NEMP2: variants seen among roughly 807,000 people sequenced by gnomAD.
NEMP2 encodes UPF0571 transmembrane protein.
NEMP2 carries 53 observed loss-of-function variants against 54.2 expected under a neutral mutation model. The observed-to-expected ratio is 0.98, with a 90% confidence interval of 0.78 to 1.23. The LOEUF (loss-of-function observed/expected upper bound fraction) is 1.23. NEMP2 is among the 50% of genes most tolerant of loss of function. NEMP2 has a pLI of 0.00. For missense variants in NEMP2, 455 were observed against 511.3 expected, an observed-to-expected ratio of 0.89 and a Z score of 1.06; for synonymous variants, 197 against 190.3, an observed-to-expected ratio of 1.04 and a Z score of -0.29.
chr2:190,423,638 A>G, the NEMP2 span, among the ~76,000 whole-genome samples: 1 of 152,202 alleles, frequency 6.6e-6, no homozygotes, highest in African/African-American at 2.4e-5. The surrounding 1 kb of genome is among the most constrained non-coding windows in gnomAD (Gnocchi z 4.3). Context: ...GTTTTCATTT[A>G]TCTGGAATAA....
chr2:190,437,181 C>G, the NEMP2 span: 1 of 1,614,216 alleles, frequency 6.2e-7, no homozygotes, highest in Middle Eastern at 1.6e-4. This position sits in a 1 kb window ranked among gnomAD's most constrained non-coding sequence, Gnocchi z 5.9. Flanking sequence ...TGGCCTTGAT[C>G]GTTGCCACTC....
the NEMP2 span, among the ~76,000 whole-genome samples, chr2:190,453,863 A>G: frequency 6.6e-6 from 1 of 152,234 alleles, no homozygotes; most frequent in African/African-American, 2.4e-5. Context: ...GAAAGAAAAC[A>G]AGACTTGACC....
At chr2:190,645,622 T>C in the NEMP2 span, among the ~76,000 whole-genome samples, 2 of 152,262 alleles carry the variant, frequency 1.3e-5, no homozygotes, top group Non-Finnish European at 2.9e-5. Flanking sequence ...GTGACTAGTA[T>C]GCGTCAGCCA....
At chr2:190,499,684 C>G, downstream of NEMP2, 1 of 823,062 alleles carries the variant, frequency 1.2e-6, no homozygotes, top group Non-Finnish European at 1.7e-6. The surrounding 1 kb of genome is among the most constrained non-coding windows in gnomAD (Gnocchi z 6.0). Context: ...GCTTGCCCAG[C>G]GACTTGCCAC....
chr2:190,523,118 T>C lies in NEMP2; in HGVS notation c.213+2145A>G, dbSNP rs550138978. 6.6e-6 allele frequency among the ~76,000 whole-genome samples: 1 copy of C among 152,228 alleles called. No individual in the cohort carries two copies. Among genetic ancestry groups the C allele is most frequent in the Non-Finnish European group, 1.5e-5 (1 of 68,012 alleles). ...ACTAAAAAAATAAAAATAAAAATGA[T>C]AATAAAATTGACCATGATGGGGGAA... On this transcript the variant is annotated intron_variant, in intron 2 of 8. Coordinates refer to ENST00000409150, the MANE Select transcript of NEMP2 (RefSeq NM_001142645.2). The surrounding 1 kb of genome is among the most constrained non-coding windows in gnomAD (Gnocchi z 5.3).
chr2:190,468,323 AACTTTTTCTT>A, the NEMP2 span, among the ~76,000 whole-genome samples: 1 of 152,026 alleles, frequency 6.6e-6, no homozygotes, highest in African/African-American at 2.4e-5. Context: ...CACACCCTTC[AACTTTTTCTT>A]TTTTGTCTTT....
the NEMP2 span, among the ~76,000 whole-genome samples, chr2:190,482,876 T>TC: frequency 3.7e-5 from 1 of 27,006 alleles, no homozygotes; most frequent in African/African-American, 8.9e-5. Context: ...ATCTTTTTTT[T>TC]TTTTTTTTTT....
chr2:190,446,912 TTCTGAGGATCTC>T, the NEMP2 span, among the ~76,000 whole-genome samples: 2 of 152,192 alleles, frequency 1.3e-5, no homozygotes, highest in Non-Finnish European at 2.9e-5. Context: ...GACTTAGGGA[TTCTGAGGATCTC>T]TCCCAGTGCA....
At chr2:190,572,408 C>G in the NEMP2 span, among the ~76,000 whole-genome samples, 1 of 152,006 alleles carries the variant, frequency 6.6e-6, no homozygotes, top group African/African-American at 2.4e-5. Context: ...CTGGGCAAAA[C>G]TGGGAAGTTA....
Position 190,516,330 on chromosome 2 carries a change from C to T in NEMP2, c.667G>A (p.Val223Ile). 6.4e-7 allele frequency: 1 copy of T among 1,551,556 alleles called. No homozygotes were observed. The highest frequency in any genetic ancestry group is 8.7e-7 in the Non-Finnish European group (1 of 1,146,924). ...VGCWFASVYI[V>I]CQLMEDLKWL... ...TTCAGATCTTCCATCAACTGGCATA[C>T]AATATAAACTGAGGCAAACCAACAA... Residue 223 changes from valine to isoleucine, a missense_variant, in exon 6 of 9, where the codon GTA (valine) becomes ATA (isoleucine). Coordinates refer to ENST00000409150, the MANE Select transcript of NEMP2 (RefSeq NM_001142645.2).
At chr2:190,639,646 TTTG>T in the NEMP2 span, among the ~76,000 whole-genome samples, 2 of 146,600 alleles carry the variant, frequency 1.4e-5, no homozygotes, top group Non-Finnish European at 3.1e-5. Flanking sequence ...GTTTTTTTTT[TTTG>T]TTTTTTGTTT....
In NEMP2 at chr2:190,509,747, A is replaced by G. The variant is rs912210418; in HGVS notation, c.1131-435T>C. ...GACGTCTTTCTTAGTGAACTTTAAA[A>G]ATGATTTTCCAGCTGGGTGCGGTGG... On this transcript the variant is annotated intron_variant, in intron 8 of 8. Coordinates refer to ENST00000409150, the MANE Select transcript of NEMP2 (RefSeq NM_001142645.2). This position sits in a 1 kb window ranked among gnomAD's most constrained non-coding sequence, Gnocchi z 6.1. 6.6e-6 allele frequency among the ~76,000 whole-genome samples: 1 copy of G among 152,262 alleles called. No homozygotes were observed. Among genetic ancestry groups the G allele is most frequent in the Non-Finnish European group, 1.5e-5 (1 of 68,052 alleles).
the NEMP2 span, among the ~76,000 whole-genome samples, chr2:190,627,593 G>GAAA: frequency 1.5e-4 from 22 of 142,026 alleles, no homozygotes; most frequent in East Asian, 3.2e-3. The surrounding 1 kb of genome is among the most constrained non-coding windows in gnomAD (Gnocchi z 4.4). Flanking sequence ...AGTTCTTAGG[G>GAAA]AAAAAAAAAA....
the NEMP2 span, among the ~76,000 whole-genome samples, chr2:190,635,264 T>G: frequency 6.6e-6 from 1 of 152,230 alleles, no homozygotes; most frequent in African/African-American, 2.4e-5. The surrounding 1 kb of genome is among the most constrained non-coding windows in gnomAD (Gnocchi z 4.1). Context: ...TCACCCAGAA[T>G]GGAGTGCATT....
At chr2:190,480,064 C>G in the NEMP2 span, among the ~76,000 whole-genome samples, 18 of 152,214 alleles carry the variant, frequency 1.2e-4, no homozygotes, top group African/African-American at 4.3e-4. Context: ...TGGGGAGGCT[C>G]AGGTGGAAGG....
At position 190,519,280 on chromosome 2, in the gene NEMP2, G is replaced by T; in HGVS notation, c.214-97C>A. 1 of 849,874 alleles carries T rather than the reference G, an allele frequency of 1.2e-6. No individual in the cohort carries two copies. Among genetic ancestry groups the T allele is most frequent in the Non-Finnish European group, 1.8e-6 (1 of 549,206 alleles). The allele number at this position is 849,874 out of a possible 1,614,324, so 52.6% of individuals were successfully genotyped here. On this transcript the variant is annotated intron_variant, in intron 2 of 8. Transcript: ENST00000409150. The surrounding 1 kb of genome is among the most constrained non-coding windows in gnomAD (Gnocchi z 5.4). ...TCTGTTGCCCAGAATGGAGTGCAGT[G>T]GCAGGATCTCTGCTCACTGCAACCT...
At chr2:190,441,441 G>A in the NEMP2 span, among the ~76,000 whole-genome samples, 1 of 151,834 alleles carries the variant, frequency 6.6e-6, no homozygotes, top group Admixed American at 6.6e-5. Flanking sequence ...CAGGCTAATG[G>A]GAGGCATAGG....
the NEMP2 span, among the ~76,000 whole-genome samples, chr2:190,598,107 CG>C: frequency 6.6e-6 from 1 of 152,122 alleles, no homozygotes; most frequent in Admixed American, 6.5e-5. Flanking sequence ...AACTAGATGC[CG>C]GTAGCACCTT....
At position 190,518,998 on chromosome 2, in the gene NEMP2, C is replaced by T. The variant is rs1307309260; in HGVS notation, c.399G>A (p.Glu133=). The T allele has an allele frequency of 2.1e-5, 33 of 1,551,214 alleles. No individual in the cohort carries two copies. The highest frequency in any genetic ancestry group is 2.7e-5 in the Non-Finnish European group (31 of 1,146,930). The part of the protein sequence containing the change: ...PYRETVCFSV[E]PVKKIFNYMI... ...TATAGTTAAATATCTTCTTGACAGG[C>T]TCCACAGAGAAGCACACAGTCTCCC... The change falls in exon 3 of 9, where the codon GAG becomes GAA. Residue 133 remains glutamate (E), a synonymous_variant. Coordinates refer to ENST00000409150, the MANE Select transcript of NEMP2 (RefSeq NM_001142645.2).
Sources: allele counts gnomAD v4.1 joint callset (sites outside exome capture counted in the v4.1 genomes callset), GRCh38; gene constraint gnomAD v4.1.1; non-coding constraint Gnocchi (gnomAD v3.1); transcripts MANE v1.5; gene names NCBI Gene and HGNC (gene_info 2026-07-23, HGNC 2026-07-21).